AMN: variants seen among roughly 807,000 people sequenced by gnomAD.
The protein encoded by AMN is amnion associated transmembrane protein, also known as protein amnionless.
Under a neutral mutation model 49.1 loss-of-function variants are expected in AMN, and 40 were observed. That is an observed-to-expected ratio of 0.81 (90% CI 0.63 to 1.06). The LOEUF (loss-of-function observed/expected upper bound fraction) is 1.06. AMN is among the 50% of genes least tolerant of loss of function. AMN has a pLI of 0.00. For missense variants in AMN, 701 were observed against 662.8 expected, an observed-to-expected ratio of 1.06 and a Z score of -0.63; for synonymous variants, 380 against 313.3, an observed-to-expected ratio of 1.21 and a Z score of -2.25.
intron 3 of AMN, 28 bp downstream of exon 3, chr14:102,924,007 G>A (rs756480860): frequency 2.0e-4 from 329 of 1,613,134 alleles, no homozygotes; most frequent in Non-Finnish European, 2.7e-4. Context: ...CTGCCACTGG[G>A]CTGGGGGTTC....
At chr14:102,930,534 G>T in intron 11 of AMN, 41 bp downstream of exon 11, 1 of 1,545,400 alleles carries the variant, frequency 6.5e-7, no homozygotes. Context: ...CCTCGGGGCC[G>T]GGACTCGGCG....
At chr14:102,929,858 T>C (rs1891292731) in intron 8 of AMN, 66 bp from the exon 9 acceptor site, 1 of 1,547,420 alleles carries the variant, frequency 6.5e-7, no homozygotes, top group African/African-American at 1.4e-5. Context: ...GCCTCTGCCC[T>C]TAGCGTCCCC....
At position 102,926,417 on chromosome 14, in the gene AMN, C is replaced by T. The variant is rs538402654; in HGVS notation, c.208-2009C>T. On this transcript the variant is annotated intron_variant, in intron 3 of 11. Coordinates refer to ENST00000299155, the MANE Select transcript of AMN (RefSeq NM_030943.4). ...GAGCCTTGTCTTCAAGTCCACAGGC[C>T]GCTTTGCCGACCCTACACTATCCAC... Among the ~76,000 whole-genome samples, 115 of 152,080 alleles carry T rather than the reference C, an allele frequency of 7.6e-4. 2 individuals carry two copies. In the South Asian group the frequency reaches 0.018, roughly 24 times the overall value.
chr14:102,930,600 G>T lies in AMN; in HGVS notation c.1282G>T (p.Val428Phe). ...GCCCCTGCCGCGGCGGCTCAGCCTG[G>T]TTCCGAAGGCGGCCGCAGACAGCAC... ...ELPLPRRLSLVPKAAADSTSH... is the reference protein window; with the variant it reads ...ELPLPRRLSLFPKAAADSTSH... The change falls in exon 12 of 12, where the codon GTT becomes TTT. Residue 428 changes from valine (V) to phenylalanine (F), a missense_variant. Val to Phe is a conservative substitution (Grantham distance 50). Transcript: ENST00000299155. 1 of 1,588,244 alleles carries T rather than the reference G, an allele frequency of 6.3e-7. No individual in the cohort carries two copies. Among genetic ancestry groups the T allele is most frequent in the Non-Finnish European group, 8.6e-7 (1 of 1,169,306 alleles).
At chr14:102,923,911 G>A in intron 2 of AMN, 24 bp from the exon 3 acceptor site, 1 of 1,613,016 alleles carries the variant, frequency 6.2e-7, no homozygotes, top group Non-Finnish European at 8.5e-7. Flanking sequence ...CTCCCGGCTC[G>A]GCTGAGGCAG....
intron 7 of AMN, 45 bp downstream of exon 7, chr14:102,929,581 A>G: frequency 6.5e-7 from 1 of 1,545,194 alleles, no homozygotes; most frequent in Non-Finnish European, 8.7e-7. Flanking sequence ...GGCCTGGAGG[A>G]CCAGGTTCGT....
chr14:102,925,761 A>C (rs1472951524), intron 3 of AMN, among the ~76,000 whole-genome samples: 1 of 152,154 alleles, frequency 6.6e-6, no homozygotes, highest in Non-Finnish European at 1.5e-5. Context: ...GCCGGTGGGA[A>C]CAGCGCAGGG....
rs994868760 is a variant in AMN at position 102,930,215 on chromosome 14, G to T, written c.1057G>T (p.Val353Phe). ...GACCATGCGGGAGTCGGGCGCACAC[G>T]TCTGGGGCAGCTCCGCGGCTGGGCT... ...EATMRESGAH[V>F]WGSSAAGLAG... Residue 353 changes from valine (V) to phenylalanine (F), a missense_variant, in exon 10 of 12, where the codon GTC becomes TTC. Val to Phe is a conservative substitution (Grantham distance 50). Transcript: ENST00000299155. 3 of 1,435,692 alleles carry T rather than the reference G, an allele frequency of 2.1e-6. No individual in the cohort carries two copies. Among genetic ancestry groups the T allele is most frequent in the Admixed American group, 5.3e-5 (2 of 37,982 alleles). The allele number at this position is 1,435,692 out of a possible 1,614,324, so 88.9% of individuals were successfully genotyped here.
chr14:102,928,468 G>A lies in AMN; in HGVS notation c.250G>A (p.Gly84Arg), dbSNP rs758005644. Residue 84 changes from glycine (G) to arginine (R), a missense_variant, in exon 4 of 12, where the codon GGA becomes AGA. Physicochemically the swap from Gly to Arg is moderately radical, Grantham distance 125 (BLOSUM62 -2). Transcript: ENST00000299155. Reference sequence around the variant, plus strand: ...GGAACTCGTCCTGGCTTCAGGAGCCGGATTCGGCGTCTCAGACGTGGGCTC... The same window carrying A: ...GGAACTCGTCCTGGCTTCAGGAGCCAGATTCGGCGTCTCAGACGTGGGCTC... ...DGELVLASGA[G>R]FGVSDVGSHL... is the part of the protein sequence containing the mutation. The A allele has an allele frequency of 3.1e-6, 5 of 1,609,730 alleles. No individual in the cohort carries two copies. In the Admixed American group the frequency reaches 8.4e-5, roughly 27 times the overall value.
At position 102,930,099 on chromosome 14, in the gene AMN, GC is replaced by G. The variant is rs1891302669; in HGVS notation, c.1006+17del. The G allele has an allele frequency of 6.6e-7, 1 of 1,515,314 alleles. No homozygotes were observed. The highest frequency in any genetic ancestry group is 1.4e-5 in the African/African-American group (1 of 70,078). 93.9% of individuals were successfully genotyped at this position (1,515,314 alleles called of 1,614,324 possible). ...GTCGCCGAGAACGGTAACCGCGCCC[GC>G]CCCATCCCGCCCCGCCGCGCCTCGC... On this transcript the variant is annotated intron_variant, in intron 9 of 11. Transcript: ENST00000299155.
At position 102,928,524 on chromosome 14, in the gene AMN, C is replaced by T. The variant is rs539014378; in HGVS notation, c.295+11C>T. The T allele has an allele frequency of 5.6e-6, 9 of 1,598,064 alleles. No individual in the cohort carries two copies. The African/African-American group carries it at 9.4e-5, about 17-fold the overall frequency. On this transcript the variant is annotated intron_variant, in intron 4 of 11. Coordinates refer to ENST00000299155, the MANE Select transcript of AMN (RefSeq NM_030943.4). ...TGGACTGTGGCGCGGGTGAGGCGGTCGGGCAGGGGCGGGGCTCTGGAAAGG... is the reference window on the plus strand; with the variant it reads ...TGGACTGTGGCGCGGGTGAGGCGGTTGGGCAGGGGCGGGGCTCTGGAAAGG...
At position 102,929,935 on chromosome 14, in the gene AMN, C is replaced by G. The variant is rs369865835; in HGVS notation, c.855C>G (p.His285Gln). The change falls in exon 9 of 12, where the codon CAC (histidine) becomes CAG (glutamine). Residue 285 changes from histidine (H) to glutamine (Q), a missense_variant. His to Gln is a conservative substitution (Grantham distance 24, BLOSUM62 0). Transcript: ENST00000299155. ...LDTFLGLPQYHGLQVAVSKVP... is the reference protein window; with the variant it reads ...LDTFLGLPQYQGLQVAVSKVP... ...GTCCCCCTCCCCAGCCTCAGTACCA[C>G]GGGCTGCAGGTGGCCGTGTCCAAGG... 2.4e-5 allele frequency: 37 copies of G among 1,559,974 alleles called. No homozygotes were observed. The highest frequency in any genetic ancestry group is 3.0e-5 in the Non-Finnish European group (35 of 1,152,912).
intron 2 of AMN, 27 bp from the exon 3 acceptor site, chr14:102,923,908 C>A (rs1047826818): frequency 1.2e-6 from 2 of 1,613,056 alleles, no homozygotes; most frequent in Non-Finnish European, 1.7e-6. Flanking sequence ...TTGCTCCCGG[C>A]TCGGCTGAGG....
Position 102,930,338 on chromosome 14 carries a change from C to G in AMN, c.1169+11C>G, listed in dbSNP as rs764673271. On this transcript the variant is annotated intron_variant, in intron 10 of 11. Transcript: ENST00000299155. ...CGCGGGGAGGCTCAGGTACGCGGGGCGGGGGCGCGGAGGTGGGGCTGGGGG... is the reference window on the plus strand; with the variant it reads ...CGCGGGGAGGCTCAGGTACGCGGGGGGGGGGCGCGGAGGTGGGGCTGGGGG... 255 of 1,406,896 alleles carry G rather than the reference C, an allele frequency of 1.8e-4. No individual in the cohort carries two copies. In the African/African-American group the frequency reaches 3.4e-3, roughly 19 times the overall value. 87.2% of individuals were successfully genotyped at this position (1,406,896 alleles called of 1,614,324 possible).
intron 3 of AMN, among the ~76,000 whole-genome samples, chr14:102,927,502 C>A (rs1891214295): frequency 6.6e-6 from 1 of 152,228 alleles, no homozygotes; most frequent in Non-Finnish European, 1.5e-5. Flanking sequence ...GGGGACTTGC[C>A]CTGCTGGCAG....
In AMN at chr14:102,929,503, C is replaced by G. The variant is rs1891280752; in HGVS notation, c.727C>G (p.Leu243Val). Residue 243 changes from leucine (L) to valine (V), a missense_variant, in exon 7 of 12, where the codon CTC becomes GTC. Physicochemically the swap from Leu to Val is conservative, Grantham distance 32. Coordinates refer to ENST00000299155, the MANE Select transcript of AMN (RefSeq NM_030943.4). ...RCPQAACHSA[L>V]RPQGQCCDLC... ...CCCCCAGGCCGCCTGCCACAGCGCCCTCCGGCCCCAGGGGCAGTGCTGTGA... is the reference window on the plus strand; with the variant it reads ...CCCCCAGGCCGCCTGCCACAGCGCCGTCCGGCCCCAGGGGCAGTGCTGTGA... The G allele has an allele frequency of 6.5e-7, 1 of 1,533,780 alleles. No individual in the cohort carries two copies. The highest frequency in any genetic ancestry group is 8.7e-7 in the Non-Finnish European group (1 of 1,145,668).
Position 102,930,778 on chromosome 14 carries a change from T to G in AMN, c.*98T>G. 7.6e-7 allele frequency: 1 copy of G among 1,318,196 alleles called. No homozygotes were observed. The highest frequency in any genetic ancestry group is 1.1e-6 in the Non-Finnish European group (1 of 947,718). 81.7% of individuals were successfully genotyped at this position (1,318,196 alleles called of 1,614,324 possible). A position where few individuals can be genotyped will look rare whatever the true frequency, so the allele number is the denominator to read the frequency against. The stretch of plus-strand genomic sequence containing the variant: ...CCTCGTCCAGCCCCCAAACCTCCCC[T>G]TCCTTTCCCCCTCCTCCGGGGGCCA... On this transcript the variant is annotated 3_prime_UTR_variant, in exon 12 of 12. Coordinates refer to ENST00000299155, the MANE Select transcript of AMN (RefSeq NM_030943.4).
At chr14:102,924,229 T>C (rs1187729040) in intron 3 of AMN, among the ~76,000 whole-genome samples, 3 of 152,096 alleles carry the variant, frequency 2.0e-5, no homozygotes, top group African/African-American at 4.8e-5. Flanking sequence ...GCCCTTGTGA[T>C]GCCCAGCAGT....
chr14:102,929,674 C>A lies in AMN; in HGVS notation c.780C>A (p.Thr260=), dbSNP rs763110632. 4 of 1,550,066 alleles carry A rather than the reference C, an allele frequency of 2.6e-6. No homozygotes were observed. The highest frequency in any genetic ancestry group is 2.4e-5 in the South Asian group (2 of 84,046). Residue 260 remains threonine (T), a synonymous_variant, in exon 8 of 12, where the codon ACC becomes ACA. Transcript: ENST00000299155. The part of the protein sequence containing the change: ...CDLCGAVVLL[T]HGPAFDLERY... ...CCGCAGGAGCCGTTGTGTTGCTGAC[C>A]CACGGCCCCGCATTTGACCTGGAGC...
Sources: gnomAD v4.1 joint callset for allele counts (sites outside exome capture counted in the v4.1 genomes callset) on GRCh38, gnomAD v4.1.1 for gene constraint, MANE v1.5 for transcripts, NCBI Gene and HGNC (gene_info 2026-07-23, HGNC 2026-07-21) for gene names.